ANKRD12: variants seen among roughly 807,000 people sequenced by gnomAD.
ANKRD12 encodes the protein ankyrin repeat domain-containing protein 12.
ANKRD12 carries 85 observed loss-of-function variants against 183.4 expected under a neutral mutation model. That is an observed-to-expected ratio of 0.46 (90% CI 0.39 to 0.56). ANKRD12 has a LOEUF of 0.56. Among genes scored for constraint, ANKRD12 ranks in the 20% least tolerant of loss-of-function variants. ANKRD12 has a pLI of 0.00. For synonymous variants in ANKRD12, 914 were observed against 800.2 expected (o/e 1.14, Z -2.40); for missense variants, 2,405 against 2,357.1 (o/e 1.02, Z -0.42).
intron 8 of ANKRD12, among the ~76,000 whole-genome samples, chr18:9,224,863 T>C (rs1370277271): frequency 6.6e-6 from 1 of 152,218 alleles, no homozygotes; most frequent in Non-Finnish European, 1.5e-5. Flanking sequence ...TCTAATGATA[T>C]GGTTAAGTAT....
intron 1 of ANKRD12, among the ~76,000 whole-genome samples, chr18:9,166,951 C>T (rs1290743945): frequency 6.6e-6 from 1 of 152,186 alleles, no homozygotes; most frequent in Admixed American, 6.5e-5. Context: ...CCAGTTTTCC[C>T]AGCACCATTT....
chr18:9,167,067 TTGG>T (rs1257469917), intron 1 of ANKRD12, among the ~76,000 whole-genome samples: 1 of 151,980 alleles, frequency 6.6e-6, no homozygotes, highest in Non-Finnish European at 1.5e-5. Flanking sequence ...TTCTGTTCCA[TTGG>T]TCTATATCTC....
chr18:9,267,030 A>G (rs948051900), intron 10 of ANKRD12, among the ~76,000 whole-genome samples: 2 of 151,894 alleles, frequency 1.3e-5, no homozygotes. Context: ...AGGCCATTAC[A>G]TAATGGTAAA....
chr18:9,262,220 C>T (rs2039012106), intron 9 of ANKRD12, among the ~76,000 whole-genome samples: 1 of 152,156 alleles, frequency 6.6e-6, no homozygotes, highest in Non-Finnish European at 1.5e-5. Flanking sequence ...TCCTGTGGCA[C>T]TACATCAAGA....
At chr18:9,212,879 T>C (rs945788134) in intron 6 of ANKRD12, among the ~76,000 whole-genome samples, 3 of 151,980 alleles carry the variant, frequency 2.0e-5, no homozygotes, top group African/African-American at 2.4e-5. Context: ...TATAAACTTA[T>C]GTGTATTTTA....
intron 3 of ANKRD12, among the ~76,000 whole-genome samples, chr18:9,196,639 T>C (rs758672277): frequency 6.6e-6 from 1 of 152,240 alleles, no homozygotes; most frequent in Non-Finnish European, 1.5e-5. Flanking sequence ...TATGCTAACA[T>C]AGCTTTAGAA....
chr18:9,258,468 G>A lies in ANKRD12; in HGVS notation c.5201G>A (p.Arg1734Lys), dbSNP rs1317201937. Residue 1734 changes from arginine to lysine, a missense_variant, in exon 9 of 13, where the codon AGA becomes AAA. Transcript: ENST00000262126. The part of the protein sequence containing the change: ...DDKTENQIPQ[R>K]MTRNKANTMA... ...AAAACTGAAAACCAAATCCCTCAAA[G>A]AATGACTAGAAACAAAGCAAATACA... The A allele has an allele frequency of 6.2e-7, 1 of 1,613,622 alleles. No individual in the cohort carries two copies. Among genetic ancestry groups the A allele is most frequent in the South Asian group, 1.1e-5 (1 of 91,048 alleles).
chr18:9,154,637 T>G (rs1005618840), intron 1 of ANKRD12, among the ~76,000 whole-genome samples: 7 of 152,184 alleles, frequency 4.6e-5, no homozygotes, highest in African/African-American at 1.7e-4. Flanking sequence ...GTGACAAGAA[T>G]GTAAGCAGGA....
rs772443920 is a variant in ANKRD12 at position 9,255,661 on chromosome 18, G to A, written c.2394G>A (p.Gly798=). 6.3e-7 allele frequency: 1 copy of A among 1,586,876 alleles called. No individual in the cohort carries two copies. The highest frequency in any genetic ancestry group is 1.2e-5 in the South Asian group (1 of 84,280). The change falls in exon 9 of 13, where the codon GGG becomes GGA. Residue 798 remains glycine, a synonymous_variant. Coordinates refer to ENST00000262126, the MANE Select transcript of ANKRD12 (RefSeq NM_015208.5). ...LGMSAIEESI[G]LHLVEKEIDI... ...TGAGTGCCATTGAGGAATCTATAGG[G>A]CTTCATTTAGTGGAAAAGGAAATAG... is the stretch of plus-strand genomic sequence containing the variant.
chr18:9,254,099 T>A, intron 8 of ANKRD12, 112 bp from the exon 9 acceptor site: 2 of 1,161,828 alleles, frequency 1.7e-6, no homozygotes, highest in South Asian at 5.1e-5. Flanking sequence ...TGATTATGAA[T>A]TGTTTGAAAT....
intron 2 of ANKRD12, among the ~76,000 whole-genome samples, chr18:9,187,935 C>T (rs2034205922): frequency 6.6e-6 from 1 of 152,122 alleles, no homozygotes; most frequent in African/African-American, 2.4e-5. Flanking sequence ...AGAATTTTTT[C>T]TTTTATTATC....
chr18:9,205,009 A>G (rs1376826083), intron 4 of ANKRD12, among the ~76,000 whole-genome samples: 2 of 152,186 alleles, frequency 1.3e-5, no homozygotes, highest in Non-Finnish European at 2.9e-5. Flanking sequence ...TTTTCCATTG[A>G]ATTCATTAGC....
intron 8 of ANKRD12, among the ~76,000 whole-genome samples, chr18:9,236,273 T>C (rs1467167657): frequency 1.3e-5 from 2 of 152,212 alleles, no homozygotes; most frequent in East Asian, 1.9e-4. Flanking sequence ...GTATCTATTT[T>C]CACCTCTTCA....
chr18:9,207,856 A>G lies in ANKRD12; in HGVS notation c.305-801A>G, dbSNP rs529282948. On this transcript the variant is annotated intron_variant, in intron 4 of 12. Transcript: ENST00000262126. The stretch of plus-strand genomic sequence containing the variant: ...AGAGCACCTGCCTTAACTCCCAGAG[A>G]AGTCTTACAGAAAAGACAAACATCT... Among the ~76,000 whole-genome samples the G allele has an allele frequency of 2.6e-5, 4 of 152,248 alleles. No homozygotes were observed. The South Asian group carries it at 8.3e-4, about 32-fold the overall frequency.
chr18:9,207,570 T>C (rs1194305801), intron 4 of ANKRD12, among the ~76,000 whole-genome samples: 1 of 151,994 alleles, frequency 6.6e-6, no homozygotes, highest in Non-Finnish European at 1.5e-5. Flanking sequence ...TTTCTAAACT[T>C]GCTAGATTAA....
chr18:9,183,468 A>G (rs1032455077), intron 2 of ANKRD12, among the ~76,000 whole-genome samples: 3 of 152,180 alleles, frequency 2.0e-5, no homozygotes, highest in Admixed American at 6.5e-5. Context: ...CTATTGTTAA[A>G]TTATTTGTAA....
At chr18:9,265,440 T>C (rs1454437175) in intron 10 of ANKRD12, among the ~76,000 whole-genome samples, 1 of 152,116 alleles carries the variant, frequency 6.6e-6, no homozygotes, top group Non-Finnish European at 1.5e-5. Flanking sequence ...TCCAGAGGAA[T>C]GATCAGGCAG....
intron 10 of ANKRD12, among the ~76,000 whole-genome samples, chr18:9,269,171 A>G (rs928586671): frequency 2.6e-5 from 4 of 152,366 alleles, no homozygotes; most frequent in Non-Finnish European, 5.9e-5. Flanking sequence ...GGAAGAATCA[A>G]TATCGTGAAA....
In ANKRD12 at chr18:9,262,784, TC is replaced by T. The variant is rs199599839; in HGVS notation, c.5665-1003del. ...AGAGCCACCATGCCCAGCCAAGATG[TC>T]CCTTTTTTTTTTTTTTTTTTTTTTT... On this transcript the variant is annotated intron_variant, in intron 9 of 12. Coordinates refer to ENST00000262126, the MANE Select transcript of ANKRD12 (RefSeq NM_015208.5). 2.3e-4 allele frequency among the ~76,000 whole-genome samples: 19 copies of T among 83,868 alleles called. 2 individuals carry two copies. The highest frequency in any genetic ancestry group is 3.2e-4 in the Admixed American group (2 of 6,190). The allele number at this position is 83,868 out of a possible 152,430, so 55.0% of individuals were successfully genotyped here.
Sources: allele counts gnomAD v4.1 joint callset (sites outside exome capture counted in the v4.1 genomes callset), GRCh38; gene constraint gnomAD v4.1.1; transcripts MANE v1.5; gene names NCBI Gene and HGNC (gene_info 2026-07-23, HGNC 2026-07-21).